The following TTLL11 variants were observed in gnomAD, a reference collection of about 807,000 sequenced individuals.
The protein encoded by TTLL11 is tubulin polyglutamylase TTLL11.
Under a neutral mutation model 51.7 loss-of-function variants are expected in TTLL11, and 42 were observed. The ratio of observed to expected loss-of-function variants is 0.81; its 90% confidence interval spans 0.64 to 1.05. The LOEUF (loss-of-function observed/expected upper bound fraction) is 1.05. Ranked by LOEUF, TTLL11 falls within the 50% of genes least tolerant of loss-of-function variation. TTLL11 has a pLI of 0.00. For synonymous variants in TTLL11, 381 were observed against 383.5 expected, an observed-to-expected ratio of 0.99 and a Z score of 0.08; for missense variants, 799 against 940.4, an observed-to-expected ratio of 0.85 and a Z score of 1.97.
chr9:121,860,682 C>T (rs992576045), intron 7 of TTLL11, among the ~76,000 whole-genome samples: 13 of 152,204 alleles, frequency 8.5e-5, no homozygotes, highest in African/African-American at 3.1e-4. Flanking sequence ...GAGCCTGCCT[C>T]CTCTCTACTC....
intron 6 of TTLL11, among the ~76,000 whole-genome samples, chr9:121,969,576 C>T (rs970256928): frequency 1.2e-4 from 19 of 152,146 alleles, no homozygotes; most frequent in African/African-American, 4.3e-4. Flanking sequence ...GAAGACCCGC[C>T]TCAGCAGTCT....
rs1837968873 is a variant in TTLL11 at position 121,860,388 on chromosome 9, T to C, written c.1789A>G (p.Ile597Val). The change falls in exon 8 of 9, where the codon ATT (isoleucine) becomes GTT (valine). Residue 597 changes from isoleucine to valine, a missense_variant. Physicochemically the swap from Ile to Val is conservative, Grantham distance 29. Transcript: ENST00000321582. ...GAGTTCCACCTCCGTGTGATGTCAA[T>C]GTAGAGGATGTCCACGGCAGCCATG... ...LSMAAVDILY[I>V]DITRRWNSMT... 6.4e-7 allele frequency: 1 copy of C among 1,551,476 alleles called. No individual in the cohort carries two copies. The highest frequency in any genetic ancestry group is 1.2e-5 in the South Asian group (1 of 84,024).
At chr9:121,827,030 T>C (rs1163031109) in intron 8 of TTLL11, among the ~76,000 whole-genome samples, 6 of 152,142 alleles carry the variant, frequency 3.9e-5, no homozygotes, top group Non-Finnish European at 8.8e-5. Flanking sequence ...TGGGAGCCCC[T>C]GCAGGTGCTG....
chr9:122,040,375 G>A (rs1564371022), intron 1 of TTLL11: 5 of 984,988 alleles, frequency 5.1e-6, no homozygotes, highest in African/African-American at 1.8e-5. Context: ...ATTTCTCACC[G>A]AGACAAAAGG....
At chr9:121,854,226 G>A (rs1286998763) in intron 8 of TTLL11, among the ~76,000 whole-genome samples, 2 of 152,112 alleles carry the variant, frequency 1.3e-5, no homozygotes, top group Non-Finnish European at 2.9e-5. Context: ...GGCAGCCCCC[G>A]GAGCTGGGCA....
At chr9:121,928,647 G>A (rs1840839648) in intron 6 of TTLL11, among the ~76,000 whole-genome samples, 1 of 151,848 alleles carries the variant, frequency 6.6e-6, no homozygotes, top group African/African-American at 2.4e-5. Context: ...CACCATGTTG[G>A]CCAGGATGTT....
chr9:121,838,945 G>C (rs941257215), intron 8 of TTLL11, among the ~76,000 whole-genome samples: 2 of 152,194 alleles, frequency 1.3e-5, no homozygotes, highest in Non-Finnish European at 2.9e-5. Flanking sequence ...AGCTGCCGCT[G>C]TAACCCACGC....
At chr9:121,825,192 C>T (rs1429402286) in intron 8 of TTLL11, among the ~76,000 whole-genome samples, 5 of 152,190 alleles carry the variant, frequency 3.3e-5, no homozygotes, top group Admixed American at 6.5e-5. Context: ...ATAGGGTGGG[C>T]GTGTGCCCGT....
chr9:121,824,717 G>A (rs1167370263), intron 8 of TTLL11, among the ~76,000 whole-genome samples: 2 of 152,092 alleles, frequency 1.3e-5, no homozygotes, highest in African/African-American at 4.8e-5. Flanking sequence ...TGGGCTCTTC[G>A]GGAAAGGTGA....
In TTLL11 at chr9:121,822,322, C is replaced by G. The variant is rs975243080; in HGVS notation, c.*265G>C. 3 of 288,766 alleles carry G rather than the reference C, an allele frequency of 1.0e-5. No individual in the cohort carries two copies. The highest frequency in any genetic ancestry group is 1.4e-4 in the South Asian group (1 of 6,992). The allele number at this position is 288,766 out of a possible 1,614,324, so 17.9% of individuals were successfully genotyped here. On this transcript the variant is annotated 3_prime_UTR_variant, in exon 9 of 9. Transcript: ENST00000321582. The surrounding 1 kb of genome is among the most constrained non-coding windows in gnomAD (Gnocchi z 5.8). ...TCCTGTGAGCCCAGAATAGAAGGTGCCATCTGTCACGTTTTAGATGTCATA... is the reference window on the plus strand; with the variant it reads ...TCCTGTGAGCCCAGAATAGAAGGTGGCATCTGTCACGTTTTAGATGTCATA...
chr9:121,868,787 C>T (rs1201153746), intron 7 of TTLL11, among the ~76,000 whole-genome samples: 1 of 152,208 alleles, frequency 6.6e-6, no homozygotes, highest in Non-Finnish European at 1.5e-5. Context: ...CAGAGAGTAT[C>T]ATGTCAGGCA....
chr9:122,001,613 T>C (rs949318674), intron 3 of TTLL11, among the ~76,000 whole-genome samples: 1 of 152,120 alleles, frequency 6.6e-6, no homozygotes, highest in Non-Finnish European at 1.5e-5. Flanking sequence ...GCACAGCCTG[T>C]GCTTGGATCA....
At chr9:122,082,501 C>CAAAAA (rs35349693) in intron 1 of TTLL11, among the ~76,000 whole-genome samples, 15 of 84,576 alleles carry the variant, frequency 1.8e-4, no homozygotes, top group African/African-American at 3.8e-4. Context: ...GACTCTGTCT[C>CAAAAA]AAAAAAAAAA....
At chr9:122,070,678 G>C (rs1199877736) in intron 1 of TTLL11, among the ~76,000 whole-genome samples, 1 of 152,158 alleles carries the variant, frequency 6.6e-6, no homozygotes, top group Non-Finnish European at 1.5e-5. Context: ...GAGACGGAAG[G>C]ACAGACAAAA....
At chr9:121,945,186 G>A (rs1841619286) in intron 6 of TTLL11, among the ~76,000 whole-genome samples, 2 of 152,040 alleles carry the variant, frequency 1.3e-5, no homozygotes, top group Non-Finnish European at 2.9e-5. Context: ...GCTGTCTCCG[G>A]AAAATACAGC....
intron 3 of TTLL11, among the ~76,000 whole-genome samples, chr9:122,022,166 G>A (rs981387572): frequency 6.6e-6 from 1 of 151,920 alleles, no homozygotes; most frequent in Non-Finnish European, 1.5e-5. Flanking sequence ...TAATATGTAC[G>A]TAATTAGAGT....
chr9:122,053,870 C>T (rs1471370201), intron 1 of TTLL11, among the ~76,000 whole-genome samples: 1 of 152,176 alleles, frequency 6.6e-6, no homozygotes, highest in Admixed American at 6.5e-5. Context: ...ACGGAGATAA[C>T]TAGCGCTCTG....
chr9:121,829,816 A>C (rs970971625), intron 8 of TTLL11, among the ~76,000 whole-genome samples: 15 of 148,340 alleles, frequency 1.0e-4, no homozygotes, highest in African/African-American at 2.0e-4. Context: ...CACACACACC[A>C]CACACACACA....
At chr9:121,861,793 G>A (rs1051316286) in intron 7 of TTLL11, among the ~76,000 whole-genome samples, 2 of 152,170 alleles carry the variant, frequency 1.3e-5, no homozygotes, top group Non-Finnish European at 2.9e-5. Flanking sequence ...CTCACCAGAT[G>A]AGTCCCTGAG....
Sources: allele counts gnomAD v4.1 joint callset (sites outside exome capture counted in the v4.1 genomes callset), GRCh38; gene constraint gnomAD v4.1.1; non-coding constraint Gnocchi (gnomAD v3.1); transcripts MANE v1.5; gene names NCBI Gene and HGNC (gene_info 2026-07-23, HGNC 2026-07-21).